The following ACACA variants were observed in gnomAD, a reference collection of about 807,000 sequenced individuals.
The protein encoded by ACACA is acetyl-CoA carboxylase 1.
Under a neutral mutation model 296.1 loss-of-function variants are expected in ACACA, and 103 were observed. The ratio of observed to expected loss-of-function variants is 0.35; its 90% CI spans 0.30 to 0.41. The LOEUF (loss-of-function observed/expected upper bound fraction) is 0.41, where lower values mean the gene tolerates loss of function less well. Ranked by LOEUF, ACACA falls within the 10% of genes least tolerant of loss-of-function variation. The pLI is 1.00. For missense variants in ACACA, 1,554 were observed against 2,989.7 expected, an observed-to-expected ratio of 0.52 and a Z score of 11.20; for synonymous variants, 953 against 1,038.6, an observed-to-expected ratio of 0.92 and a Z score of 1.58.
chr17:37,336,084 T>C (rs1705106249), intron 2 of ACACA, among the ~76,000 whole-genome samples: 1 of 152,118 alleles, frequency 6.6e-6, no homozygotes, highest in Non-Finnish European at 1.5e-5. Context: ...TTAACCTCCT[T>C]GTTAAGTTTG....
At chr17:37,219,575 G>A (rs1487156664) in intron 29 of ACACA, among the ~76,000 whole-genome samples, 2 of 151,724 alleles carry the variant, frequency 1.3e-5, no homozygotes, top group Non-Finnish European at 2.9e-5. Flanking sequence ...GCTAGTGTCA[G>A]AATTCAATTG....
intron 41 of ACACA, among the ~76,000 whole-genome samples, chr17:37,168,190 T>C (rs1463766341): frequency 3.9e-5 from 6 of 152,186 alleles, no homozygotes; most frequent in Non-Finnish European, 5.9e-5. Context: ...AAGGATTAAA[T>C]ACATGTTAAG....
chr17:37,237,434 A>C (rs918045647), intron 24 of ACACA, among the ~76,000 whole-genome samples: 1 of 152,356 alleles, frequency 6.6e-6, no homozygotes, highest in African/African-American at 2.4e-5. Flanking sequence ...TTTATTAGGT[A>C]CTGACCAACT....
At chr17:37,374,652 A>G (rs538227086) in intron 1 of ACACA, among the ~76,000 whole-genome samples, 60 of 152,264 alleles carry the variant, frequency 3.9e-4, no homozygotes, top group Non-Finnish European at 7.2e-4. Context: ...TACACTAGAC[A>G]CTAAAAAAAT....
intron 3 of ACACA, among the ~76,000 whole-genome samples, chr17:37,296,183 G>A (rs1567958332): frequency 6.6e-6 from 1 of 151,356 alleles, no homozygotes; most frequent in South Asian, 2.1e-4. Flanking sequence ...TGAAGTGCTT[G>A]TTTCCATTTG....
At chr17:37,215,546 ATATAAC>A (rs950659785) in intron 29 of ACACA, among the ~76,000 whole-genome samples, 2 of 152,342 alleles carry the variant, frequency 1.3e-5, no homozygotes, top group African/African-American at 2.4e-5. Context: ...GTTTGTATAA[ATATAAC>A]TATATTTTAA....
chr17:37,338,522 C>T (rs1480743120), intron 2 of ACACA, among the ~76,000 whole-genome samples: 1 of 150,950 alleles, frequency 6.6e-6, no homozygotes, highest in Admixed American at 6.6e-5. Flanking sequence ...CCGAGCGTGG[C>T]GCATGCCTGT....
At chr17:37,240,736 T>A (rs1263032501) in intron 23 of ACACA, among the ~76,000 whole-genome samples, 172 bp from the exon 24 acceptor site, 2 of 152,040 alleles carry the variant, frequency 1.3e-5, no homozygotes, top group East Asian at 3.8e-4. Flanking sequence ...CTAAAAGAAA[T>A]CTCACTATAG....
intron 1 of ACACA, chr17:37,377,952 A>G: frequency 1.2e-6 from 2 of 1,613,802 alleles, no homozygotes; most frequent in African/African-American, 1.3e-5. Flanking sequence ...GCATCAGAGA[A>G]TTGCAAATGC....
At chr17:37,314,941 C>A (rs915626968) in intron 3 of ACACA, among the ~76,000 whole-genome samples, 3 of 146,780 alleles carry the variant, frequency 2.0e-5, no homozygotes, top group Non-Finnish European at 4.5e-5. Flanking sequence ...CCGCACCCGG[C>A]CAGGAATGCT....
intron 30 of ACACA, 77 bp from the exon 31 acceptor site, chr17:37,207,877 G>C: frequency 6.5e-7 from 1 of 1,547,752 alleles, no homozygotes; most frequent in Non-Finnish European, 8.9e-7. Flanking sequence ...TAGGGAAAAG[G>C]AACTAGGAGA....
intron 3 of ACACA, among the ~76,000 whole-genome samples, chr17:37,318,888 C>T (rs1379517267): frequency 6.6e-6 from 1 of 152,028 alleles, no homozygotes; most frequent in African/African-American, 2.4e-5. Context: ...TAGTCAAACA[C>T]AAACATATAT....
intron 12 of ACACA, 119 bp from the exon 13 acceptor site, chr17:37,258,492 T>C (rs1480193661): frequency 1.1e-6 from 1 of 920,142 alleles, no homozygotes; most frequent in African/African-American, 1.7e-5. Context: ...CATTCTATTT[T>C]TATAACCTGT....
At position 37,245,065 on chromosome 17, in the gene ACACA, CA is replaced by C; in HGVS notation, c.2595+14del. ...AGCTCTTAGAGAGCAATATTCGGAG[CA>C]CCTTCCTACTCACCTGCTGAACCTT... On this transcript the variant is annotated intron_variant, in intron 20 of 55. Transcript: ENST00000616317. 1 of 1,614,138 alleles carries C rather than the reference CA, an allele frequency of 6.2e-7. No homozygotes were observed. Among genetic ancestry groups the C allele is most frequent in the Non-Finnish European group, 8.5e-7 (1 of 1,180,014 alleles).
intron 41 of ACACA, among the ~76,000 whole-genome samples, chr17:37,177,920 T>C (rs1475863917): frequency 2.6e-5 from 4 of 152,246 alleles, no homozygotes; most frequent in Admixed American, 6.5e-5. Context: ...TGGCATCCAC[T>C]GGCATATTAC....
Position 37,226,471 on chromosome 17 carries a change from A to C in ACACA, c.3247-19T>G. On this transcript the variant is annotated intron_variant, in intron 25 of 55. Coordinates refer to ENST00000616317, the MANE Select transcript of ACACA (RefSeq NM_198834.3). ...ACTGATCCTAATTGTTAATGTAAAAAAGAACATAGATAGTCATATTAAAAA... is the reference window on the plus strand; with the variant it reads ...ACTGATCCTAATTGTTAATGTAAAACAGAACATAGATAGTCATATTAAAAA... The C allele has an allele frequency of 6.3e-7, 1 of 1,579,830 alleles. No individual in the cohort carries two copies. Among genetic ancestry groups the C allele is most frequent in the Middle Eastern group, 1.7e-4 (1 of 5,994 alleles).
Position 37,378,249 on chromosome 17 carries a change from T to G in ACACA, c.38+28013A>C, listed in dbSNP as rs1433666633. ...CTATGAGCATTTCTCTGTGCTAAAT[T>G]TACTGCTGTCACCAACCTTCATGGG... On this transcript the variant is annotated intron_variant, in intron 1 of 55. Coordinates refer to ENST00000616317, the MANE Select transcript of ACACA (RefSeq NM_198834.3). Among the ~76,000 whole-genome samples the G allele has an allele frequency of 2.0e-5, 3 of 152,344 alleles. No homozygotes were observed. The East Asian group carries it at 5.8e-4, about 29-fold the overall frequency.
intron 3 of ACACA, among the ~76,000 whole-genome samples, chr17:37,285,612 G>A (rs895637130): frequency 6.6e-6 from 1 of 150,464 alleles, no homozygotes; most frequent in East Asian, 2.0e-4. Context: ...CCAGGAATTC[G>A]AGACCAGCCT....
At chr17:37,379,415 T>C in intron 1 of ACACA, 1 of 1,599,884 alleles carries the variant, frequency 6.3e-7, no homozygotes. Context: ...GGGCAGGCAC[T>C]AACTTTTAGT....
Sources: gnomAD v4.1 joint callset for allele counts (sites outside exome capture counted in the v4.1 genomes callset) on GRCh38, gnomAD v4.1.1 for gene constraint, MANE v1.5 for transcripts, NCBI Gene and HGNC (gene_info 2026-07-23, HGNC 2026-07-21) for gene names.